DBF4B: variants seen among roughly 807,000 people sequenced by gnomAD.
DBF4B encodes DBF4B-CDC7 kinase regulatory subunit, also known as protein DBF4 homolog B.
DBF4B carries 49 observed loss-of-function variants against 53.4 expected under a neutral mutation model. The ratio of observed to expected loss-of-function variants is 0.92; its 90% CI spans 0.73 to 1.16. The LOEUF (loss-of-function observed/expected upper bound fraction) is 1.16, where lower values mean the gene tolerates loss of function less well. Ranked by LOEUF, DBF4B falls within the 50% of genes most tolerant of loss-of-function variation. The pLI is 0.00. For missense variants in DBF4B, 692 were observed against 775.0 expected (o/e 0.89, Z 1.27); for synonymous variants, 257 against 288.7 (o/e 0.89, Z 1.11).
At chr17:44,734,037 T>C in intron 6 of DBF4B, 53 bp from the exon 7 acceptor site, 1 of 1,481,088 alleles carries the variant, frequency 6.8e-7, no homozygotes, top group South Asian at 1.1e-5. Flanking sequence ...GGGGCTGTGC[T>C]AGGTAAGTGA....
chr17:44,727,864 ATT>A (rs756222247), intron 3 of DBF4B, among the ~76,000 whole-genome samples: 7,646 of 106,264 alleles, frequency 0.072, 105 homozygotes, highest in East Asian at 0.11. Flanking sequence ...TGCCCGGGTA[ATT>A]TTTTTTTTTT....
intron 7 of DBF4B, among the ~76,000 whole-genome samples, chr17:44,735,438 C>T (rs764157718): frequency 2.0e-5 from 3 of 152,078 alleles, no homozygotes; most frequent in Non-Finnish European, 2.9e-5. Flanking sequence ...TTTGGGAGAC[C>T]GAGGCAGGTG....
At chr17:44,723,200 G>A (rs540994213) in intron 3 of DBF4B, among the ~76,000 whole-genome samples, 178 bp downstream of exon 3, 2 of 152,252 alleles carry the variant, frequency 1.3e-5, no homozygotes, top group East Asian at 1.9e-4. Context: ...TCTGCCTCCC[G>A]GGTTCAAGCA....
chr17:44,728,603 G>T (rs1974557657), intron 3 of DBF4B, among the ~76,000 whole-genome samples: 1 of 152,040 alleles, frequency 6.6e-6, no homozygotes, highest in Non-Finnish European at 1.5e-5. Flanking sequence ...CAGATCACAA[G>T]GTTAAGAGAT....
chr17:44,713,343 C>T (rs1973063346), intron 2 of DBF4B, among the ~76,000 whole-genome samples: 1 of 150,208 alleles, frequency 6.7e-6, no homozygotes, highest in Non-Finnish European at 1.5e-5. Flanking sequence ...GCCCCGCCGA[C>T]ATTATTTTCA....
chr17:44,726,853 C>T (rs564603814), intron 3 of DBF4B, among the ~76,000 whole-genome samples: 1 of 152,220 alleles, frequency 6.6e-6, no homozygotes, highest in South Asian at 2.1e-4. Context: ...AATCCCAGCA[C>T]TTTGGGAGGC....
intron 8 of DBF4B, among the ~76,000 whole-genome samples, chr17:44,737,355 T>G (rs1280979282): frequency 1.3e-5 from 2 of 152,212 alleles, no homozygotes; most frequent in Admixed American, 1.3e-4. Context: ...CAGTGGCATT[T>G]ATTCATGCAC....
At chr17:44,714,847 C>T (rs988040141) in intron 2 of DBF4B, among the ~76,000 whole-genome samples, 1 of 151,858 alleles carries the variant, frequency 6.6e-6, no homozygotes, top group Admixed American at 6.6e-5. Flanking sequence ...CCATGCCCAG[C>T]TTATTATTAT....
At chr17:44,712,976 C>T (rs1430863634) in intron 2 of DBF4B, among the ~76,000 whole-genome samples, 1 of 151,376 alleles carries the variant, frequency 6.6e-6, no homozygotes, top group African/African-American at 2.4e-5. Flanking sequence ...CATTTCCCAC[C>T]TTTCCTTTTA....
In DBF4B at chr17:44,750,594, G is replaced by T; in HGVS notation, c.1190-1G>T. On this transcript the variant is annotated splice_acceptor_variant, in intron 13 of 13. Transcript: ENST00000315005. LOFTEE classifies it high-confidence loss of function. ...ATGTCGGTCCTTGATCTGCCCTCCAGTGACCCAAGGCAGGGCTGCGGGCCA... is the reference window on the plus strand; with the variant it reads ...ATGTCGGTCCTTGATCTGCCCTCCATTGACCCAAGGCAGGGCTGCGGGCCA... 1.2e-6 allele frequency: 2 copies of T among 1,605,636 alleles called. No individual in the cohort carries two copies. The highest frequency in any genetic ancestry group is 8.5e-7 in the Non-Finnish European group (1 of 1,174,278).
intron 7 of DBF4B, among the ~76,000 whole-genome samples, chr17:44,735,345 C>T (rs1361537842): frequency 2.0e-5 from 3 of 152,204 alleles, no homozygotes; most frequent in African/African-American, 7.2e-5. Flanking sequence ...TTCCCCCCTT[C>T]TATGCAGATA....
chr17:44,744,120 T>A (rs545636590), intron 10 of DBF4B, among the ~76,000 whole-genome samples: 90 of 123,352 alleles, frequency 7.3e-4, no homozygotes, highest in African/African-American at 2.2e-3. Context: ...TTTATATTTT[T>A]AAAAAATCTG....
chr17:44,714,290 A>G (rs2144768176), intron 2 of DBF4B, among the ~76,000 whole-genome samples: 1 of 152,246 alleles, frequency 6.6e-6, no homozygotes, highest in South Asian at 2.1e-4. Context: ...CATCCAGGTA[A>G]CCAAAAACTA....
rs1348109052 is a variant in DBF4B, at chr17:44,729,950, A to T, written c.271A>T (p.Ser91Cys). 1.2e-6 allele frequency: 2 copies of T among 1,614,158 alleles called. No homozygotes were observed. Among genetic ancestry groups the T allele is most frequent in the Non-Finnish European group, 1.7e-6 (2 of 1,180,036 alleles). ...CAAAGAAGTAAGTTACATCGTGTCC[A>T]GCCGCAGAGAAGTAAAGGCAGAGAG... ...LSKEVSYIVS[S>C]RREVKAESSG... The change falls in exon 4 of 14, where the codon AGC (serine) becomes TGC (cysteine). Residue 91 changes from serine (S) to cysteine (C), a missense_variant. Physicochemically the swap from Ser to Cys is moderately radical, Grantham distance 112. Around this residue, in one of 3 missense-constraint regions of DBF4B, gnomAD observed 597 missense variants for 665.8 expected, o/e 0.90. Coordinates refer to ENST00000315005, the MANE Select transcript of DBF4B (RefSeq NM_145663.3).
Position 44,725,684 on chromosome 17 carries a change from C to CTTTTTTTTTTTTT in DBF4B, c.225+2670_225+2682dup, listed in dbSNP as rs68091397. On this transcript the variant is annotated intron_variant, in intron 3 of 13. Coordinates refer to ENST00000315005, the MANE Select transcript of DBF4B (RefSeq NM_145663.3). ...ATCCTGCCTTTGTTTTTTTGTGCTTCTTTTTTTTTTTTTTTTTTTTAAGAG... is the reference window on the plus strand; with the variant it reads ...ATCCTGCCTTTGTTTTTTTGTGCTTCTTTTTTTTTTTTTTTTTTTTTTTTTTTTTTTTTAAGAG... Among the ~76,000 whole-genome samples, 68 of 87,628 alleles carry CTTTTTTTTTTTTT rather than the reference C, an allele frequency of 7.8e-4. 7 individuals are homozygous for CTTTTTTTTTTTTT. The highest frequency in any genetic ancestry group is 1.3e-3 in the East Asian group (5 of 3,904). The allele number at this position is 87,628 out of a possible 152,430, so 57.5% of individuals were successfully genotyped here.
chr17:44,728,242 C>T (rs1490506465), intron 3 of DBF4B, among the ~76,000 whole-genome samples: 1 of 152,092 alleles, frequency 6.6e-6, no homozygotes, highest in East Asian at 1.9e-4. Flanking sequence ...AGGCCACCTT[C>T]CCAGAAAGTG....
intron 3 of DBF4B, among the ~76,000 whole-genome samples, chr17:44,726,192 T>A (rs1974307487): frequency 6.6e-6 from 1 of 151,898 alleles, no homozygotes; most frequent in South Asian, 2.1e-4. Flanking sequence ...TTTCTCCATG[T>A]TGGTTAGGCT....
intron 3 of DBF4B, among the ~76,000 whole-genome samples, chr17:44,727,649 T>C (rs1974472450): frequency 6.6e-6 from 1 of 152,240 alleles, no homozygotes; most frequent in Non-Finnish European, 1.5e-5. Context: ...TAGCCTTTGC[T>C]ATGTAAAACA....
Position 44,751,357 on chromosome 17 carries a change from C to T in DBF4B, c.*104C>T. 6.8e-7 allele frequency: 1 copy of T among 1,465,840 alleles called. No homozygotes were observed. Among genetic ancestry groups the T allele is most frequent in the Non-Finnish European group, 9.0e-7 (1 of 1,113,540 alleles). The allele number at this position is 1,465,840 out of a possible 1,614,324, so 90.8% of individuals were successfully genotyped here. A position where few individuals can be genotyped will look rare whatever the true frequency, so the allele number is the denominator to read the frequency against. On this transcript the variant is annotated 3_prime_UTR_variant, in exon 14 of 14. Coordinates refer to ENST00000315005, the MANE Select transcript of DBF4B (RefSeq NM_145663.3). The stretch of plus-strand genomic sequence containing the variant: ...CTTGGCGTGAGCACTGCTCAGACTC[C>T]TTTCCACTCCAGCCCCCTTTCCACA...
Sources: gnomAD v4.1 joint callset for allele counts (sites outside exome capture counted in the v4.1 genomes callset) on GRCh38, gnomAD v4.1.1 for gene constraint, gnomAD v4.1.1 regional missense constraint, MANE v1.5 for transcripts, NCBI Gene and HGNC (gene_info 2026-07-23, HGNC 2026-07-21) for gene names.